CLDN4: variants seen among roughly 807,000 people sequenced by gnomAD.
The protein encoded by CLDN4 is claudin 4.
Under a neutral mutation model 13.7 loss-of-function variants are expected in CLDN4, and 12 were observed. That is an observed-to-expected ratio of 0.88 (90% CI 0.56 to 1.42). CLDN4 has a LOEUF of 1.42. Among genes scored for constraint, CLDN4 ranks in the 40% most tolerant of loss-of-function variants. The pLI is 0.00. For missense variants in CLDN4, 252 were observed against 297.4 expected, an observed-to-expected ratio of 0.85 and a Z score of 1.12; for synonymous variants, 152 against 140.6, an observed-to-expected ratio of 1.08 and a Z score of -0.57.
rs782109306 is a variant in CLDN4 at position 73,831,407 on chromosome 7, C to T, written c.206C>T (p.Ser69Leu). 1.8e-5 allele frequency: 29 copies of T among 1,614,038 alleles called. No individual in the cohort carries two copies. The highest frequency in any genetic ancestry group is 3.3e-5 in the South Asian group (3 of 91,086). Residue 69 changes from serine (S) to leucine (L), a missense_variant, in exon 1 of 1, where the codon TCG (serine) becomes TTG (leucine). Ser to Leu is a moderately radical substitution (Grantham distance 145). Transcript: ENST00000340958. Reference protein sequence around the residue: ...TGQMQCKVYDSLLALPQDLQA... With the variant: ...TGQMQCKVYDLLLALPQDLQA... ...CAGATGCAGTGCAAGGTGTACGACT[C>T]GCTGCTGGCACTGCCGCAGGACCTG...
rs75600983 is a variant in CLDN4 at position 73,831,292 on chromosome 7, C to T, written c.91C>T (p.Arg31Cys). ...VMLCCALPMW[R>C]VTAFIGSNIV... ...GCTGTGCTGCGCGCTGCCCATGTGG[C>T]GCGTGACGGCCTTCATCGGCAGCAA... The change falls in exon 1 of 1, where the codon CGC becomes TGC. Residue 31 changes from arginine (R) to cysteine (C), a missense_variant. Coordinates refer to ENST00000340958, the MANE Select transcript of CLDN4 (RefSeq NM_001305.5). The T allele has an allele frequency of 1.6e-4, 257 of 1,613,608 alleles. No individual in the cohort carries two copies. In the East Asian group the frequency reaches 3.6e-3, roughly 23 times the overall value.
rs2130520853 is a variant in CLDN4, at chr7:73,831,066, G to A, written c.-136G>A. On this transcript the variant is annotated 5_prime_UTR_variant, in exon 1 of 1. Transcript: ENST00000340958. ...ACTTGCTGGCTTGCGCATCAGGACT[G>A]GCTTTATCTCCTGACTCACGGTGCA... is the stretch of plus-strand genomic sequence containing the variant. 3.6e-6 allele frequency: 4 copies of A among 1,115,362 alleles called. No individual in the cohort carries two copies. Among genetic ancestry groups the A allele is most frequent in the East Asian group, 4.8e-5 (2 of 41,514 alleles). The allele number at this position is 1,115,362 out of a possible 1,614,324, so 69.1% of individuals were successfully genotyped here. A position where few individuals can be genotyped will look rare whatever the true frequency, so the allele number is the denominator to read the frequency against.
chr7:73,831,775 C>A lies in CLDN4; in HGVS notation c.574C>A (p.Pro192Thr). 1 of 1,596,760 alleles carries A rather than the reference C, an allele frequency of 6.3e-7. No individual in the cohort carries two copies. The highest frequency in any genetic ancestry group is 8.6e-7 in the Non-Finnish European group (1 of 1,169,236). Residue 192 changes from proline (P) to threonine (T), a missense_variant, in exon 1 of 1, where the codon CCT (proline) becomes ACT (threonine). By Grantham distance (38) the Pro-to-Thr change is conservative. Coordinates refer to ENST00000340958, the MANE Select transcript of CLDN4 (RefSeq NM_001305.5). ...CCNCPPRTDKPYSAKYSAARS... is the reference protein window; with the variant it reads ...CCNCPPRTDKTYSAKYSAARS... ...CAACTGTCCACCCCGCACAGACAAGCCTTACTCCGCCAAGTATTCTGCTGC... is the reference window on the plus strand; with the variant it reads ...CAACTGTCCACCCCGCACAGACAAGACTTACTCCGCCAAGTATTCTGCTGC...
chr7:73,831,312 CA>C lies in CLDN4; in HGVS notation c.112del (p.Ser38AlafsTer15). 1 of 1,613,982 alleles carries C rather than the reference CA, an allele frequency of 6.2e-7. No homozygotes were observed. The highest frequency in any genetic ancestry group is 8.5e-7 in the Non-Finnish European group (1 of 1,179,952). The stretch of plus-strand genomic sequence containing the variant: ...TGTGGCGCGTGACGGCCTTCATCGG[CA>C]GCAACATTGTCACCTCGCAGACCAT... ...PMWRVTAFIG[S>X]NIVTSQTIWE... On this transcript the variant is annotated frameshift_variant, in exon 1 of 1. Transcript: ENST00000340958. LOFTEE classifies it high-confidence loss of function.
chr7:73,831,062 G>C lies in CLDN4; in HGVS notation c.-140G>C, dbSNP rs1788017876. On this transcript the variant is annotated 5_prime_UTR_variant, in exon 1 of 1. Coordinates refer to ENST00000340958, the MANE Select transcript of CLDN4 (RefSeq NM_001305.5). ...TCACACTTGCTGGCTTGCGCATCAG[G>C]ACTGGCTTTATCTCCTGACTCACGG... 5.6e-6 allele frequency: 6 copies of C among 1,073,110 alleles called. No individual in the cohort carries two copies. Among genetic ancestry groups the C allele is most frequent in the Non-Finnish European group, 8.0e-6 (6 of 750,296 alleles). The allele number at this position is 1,073,110 out of a possible 1,614,324, so 66.5% of individuals were successfully genotyped here. A position where few individuals can be genotyped will look rare whatever the true frequency, so the allele number is the denominator to read the frequency against.
rs1554634060 is a variant in CLDN4 at position 73,831,367 on chromosome 7, G to A, written c.166G>A (p.Val56Met). 3 of 1,614,046 alleles carry A rather than the reference G, an allele frequency of 1.9e-6. No individual in the cohort carries two copies. The East Asian group carries it at 6.7e-5, about 36-fold the overall frequency. The change falls in exon 1 of 1, where the codon GTG becomes ATG. Residue 56 changes from valine (V) to methionine (M), a missense_variant. Val to Met is a conservative substitution (Grantham distance 21). Transcript: ENST00000340958. ...IWEGLWMNCV[V>M]QSTGQMQCKV... ...GGAGGGCCTATGGATGAACTGCGTG[G>A]TGCAGAGCACCGGCCAGATGCAGTG...
Position 73,831,022 on chromosome 7 carries a change from A to C in CLDN4, c.-180A>C. 1 of 632,010 alleles carries C rather than the reference A, an allele frequency of 1.6e-6. No individual in the cohort carries two copies. The allele number at this position is 632,010 out of a possible 1,614,324, so 39.2% of individuals were successfully genotyped here. On this transcript the variant is annotated 5_prime_UTR_variant, in exon 1 of 1. Transcript: ENST00000340958. The stretch of plus-strand genomic sequence containing the variant: ...GAGTGCCCTGGCAGCTGTCGGCTGG[A>C]AGGAACTGGTCTGCTCACACTTGCT...
rs781798709 is a variant in CLDN4, at chr7:73,831,559, G to C, written c.358G>C (p.Val120Leu). Residue 120 changes from valine to leucine, a missense_variant, in exon 1 of 1, where the codon GTG (valine) becomes CTG (leucine). Physicochemically the swap from Val to Leu is conservative, Grantham distance 32. Coordinates refer to ENST00000340958, the MANE Select transcript of CLDN4 (RefSeq NM_001305.5). ...AAGCGCCAAGGCCAAGACCATGATC[G>C]TGGCGGGCGTGGTGTTCCTGTTGGC... ...DESAKAKTMI[V>L]AGVVFLLAGL... The C allele has an allele frequency of 1.9e-6, 3 of 1,614,142 alleles. No homozygotes were observed. The East Asian group carries it at 6.7e-5, about 36-fold the overall frequency.
Position 73,831,057 on chromosome 7 carries a change from A to T in CLDN4, c.-145A>T, listed in dbSNP as rs1335871196. ...TCTGCTCACACTTGCTGGCTTGCGCATCAGGACTGGCTTTATCTCCTGACT... is the reference window on the plus strand; with the variant it reads ...TCTGCTCACACTTGCTGGCTTGCGCTTCAGGACTGGCTTTATCTCCTGACT... On this transcript the variant is annotated 5_prime_UTR_variant, in exon 1 of 1. Transcript: ENST00000340958. 2 of 1,016,018 alleles carry T rather than the reference A, an allele frequency of 2.0e-6. No homozygotes were observed. The highest frequency in any genetic ancestry group is 2.8e-6 in the Non-Finnish European group (2 of 702,134). 62.9% of individuals were successfully genotyped at this position (1,016,018 alleles called of 1,614,324 possible).
Position 73,831,490 on chromosome 7 carries a change from C to T in CLDN4, c.289C>T (p.Leu97=). The change falls in exon 1 of 1, where the codon CTG becomes TTG. Residue 97 remains leucine (L), a synonymous_variant. Transcript: ENST00000340958. The part of the protein sequence containing the change: ...SIIVAALGVL[L]SVVGGKCTNC... ...CATCGTGGCTGCTCTGGGCGTGCTG[C>T]TGTCCGTGGTGGGGGGCAAGTGTAC... 6.2e-7 allele frequency: 1 copy of T among 1,614,204 alleles called. No homozygotes were observed. Among genetic ancestry groups the T allele is most frequent in the Non-Finnish European group, 8.5e-7 (1 of 1,180,036 alleles).
At position 73,832,201 on chromosome 7, in the gene CLDN4, C is replaced by G; in HGVS notation, c.*370C>G. On this transcript the variant is annotated 3_prime_UTR_variant, in exon 1 of 1. Coordinates refer to ENST00000340958, the MANE Select transcript of CLDN4 (RefSeq NM_001305.5). ...TGTCCCCATTTACATTTTCCCCACT[C>G]TGTCTGCCTGCATCTCCTCTGTTCC... 1 of 241,168 alleles carries G rather than the reference C, an allele frequency of 4.1e-6. No individual in the cohort carries two copies. The highest frequency in any genetic ancestry group is 1.0e-4 in the East Asian group (1 of 9,990). 14.9% of individuals were successfully genotyped at this position (241,168 alleles called of 1,614,324 possible).
rs1788021893 is a variant in CLDN4 at position 73,831,190 on chromosome 7, G to A, written c.-12G>A. ...AGCCTTCCAGGTCCTCAACTCCCGTGGACGCTGAACAATGGCCTCCATGGG... is the reference window on the plus strand; with the variant it reads ...AGCCTTCCAGGTCCTCAACTCCCGTAGACGCTGAACAATGGCCTCCATGGG... On this transcript the variant is annotated 5_prime_UTR_variant, in exon 1 of 1. Transcript: ENST00000340958. The A allele has an allele frequency of 2.6e-6, 4 of 1,541,024 alleles. No homozygotes were observed. Among genetic ancestry groups the A allele is most frequent in the South Asian group, 1.3e-5 (1 of 79,954 alleles).
chr7:73,831,702 C>T lies in CLDN4; in HGVS notation c.501C>T (p.Gly167=). The stretch of plus-strand genomic sequence containing the variant: ...AGATGGGTGCCTCGCTCTACGTCGG[C>T]TGGGCCGCCTCCGGCCTGCTGCTCC... The part of the protein sequence containing the change: ...KREMGASLYV[G]WAASGLLLLG... Residue 167 remains glycine (G), a synonymous_variant, in exon 1 of 1, where the codon GGC becomes GGT. Coordinates refer to ENST00000340958, the MANE Select transcript of CLDN4 (RefSeq NM_001305.5). 3.7e-6 allele frequency: 6 copies of T among 1,614,060 alleles called. No individual in the cohort carries two copies. The highest frequency in any genetic ancestry group is 5.1e-6 in the Non-Finnish European group (6 of 1,180,008).
rs1053573626 is a variant in CLDN4 at position 73,832,219 on chromosome 7, T to G, written c.*388T>G. The stretch of plus-strand genomic sequence containing the variant: ...CCCCACTCTGTCTGCCTGCATCTCC[T>G]CTGTTCCGGGTAGGCCTTGATATCA... On this transcript the variant is annotated 3_prime_UTR_variant, in exon 1 of 1. Coordinates refer to ENST00000340958, the MANE Select transcript of CLDN4 (RefSeq NM_001305.5). The G allele has an allele frequency of 2.2e-5, 5 of 227,444 alleles. No individual in the cohort carries two copies. In the East Asian group the frequency reaches 3.4e-4, roughly 16 times the overall value. The allele number at this position is 227,444 out of a possible 1,614,324, so 14.1% of individuals were successfully genotyped here.
rs202009827 is a variant in CLDN4, at chr7:73,831,618, G to A, written c.417G>A (p.Thr139=). 29 of 1,614,106 alleles carry A rather than the reference G, an allele frequency of 1.8e-5. No homozygotes were observed. Among genetic ancestry groups the A allele is most frequent in the African/African-American group, 1.2e-4 (9 of 75,062 alleles). Reference sequence around the variant, plus strand: ...TGGTGATAGTGCCGGTGTCCTGGACGGCCCACAACATCATCCAAGACTTCT... The same window carrying A: ...TGGTGATAGTGCCGGTGTCCTGGACAGCCCACAACATCATCCAAGACTTCT... ...GLMVIVPVSW[T]AHNIIQDFYN... is the part of the protein sequence containing the mutation. Residue 139 remains threonine, a synonymous_variant, in exon 1 of 1, where the codon ACG becomes ACA. Transcript: ENST00000340958.
Position 73,831,538 on chromosome 7 carries a change from G to A in CLDN4, c.337G>A (p.Ala113Thr), listed in dbSNP as rs199567908. Reference protein sequence around the residue: ...KCTNCLEDESAKAKTMIVAGV... With the variant: ...KCTNCLEDESTKAKTMIVAGV... ...TACCAACTGCCTGGAGGATGAAAGC[G>A]CCAAGGCCAAGACCATGATCGTGGC... Residue 113 changes from alanine (A) to threonine (T), a missense_variant, in exon 1 of 1, where the codon GCC becomes ACC. Ala to Thr is a moderately conservative substitution (Grantham distance 58). Coordinates refer to ENST00000340958, the MANE Select transcript of CLDN4 (RefSeq NM_001305.5). 107 of 1,614,186 alleles carry A rather than the reference G, an allele frequency of 6.6e-5. No homozygotes were observed. The East Asian group carries it at 2.1e-3, about 32-fold the overall frequency.
rs1788035545 is a variant in CLDN4, at chr7:73,831,675, G to A, written c.474G>A (p.Arg158=). 6.2e-7 allele frequency: 1 copy of A among 1,614,160 alleles called. No individual in the cohort carries two copies. The highest frequency in any genetic ancestry group is 8.5e-7 in the Non-Finnish European group (1 of 1,180,018). Residue 158 remains arginine (R), a synonymous_variant, in exon 1 of 1, where the codon CGG becomes CGA. Transcript: ENST00000340958. ...YNPLVASGQK[R]EMGASLYVGW... ...CGCTGGTGGCCTCCGGGCAGAAGCG[G>A]GAGATGGGTGCCTCGCTCTACGTCG...
rs781920222 is a variant in CLDN4 at position 73,832,161 on chromosome 7, A to G, written c.*330A>G. 24 of 354,930 alleles carry G rather than the reference A, an allele frequency of 6.8e-5. No homozygotes were observed. The highest frequency in any genetic ancestry group is 1.2e-4 in the Non-Finnish European group (22 of 187,408). The allele number at this position is 354,930 out of a possible 1,614,324, so 22.0% of individuals were successfully genotyped here. On this transcript the variant is annotated 3_prime_UTR_variant, in exon 1 of 1. Coordinates refer to ENST00000340958, the MANE Select transcript of CLDN4 (RefSeq NM_001305.5). The stretch of plus-strand genomic sequence containing the variant: ...AACCCTGACTTTGGGATCTGCCTGC[A>G]TCGGCGTTGGCCACTGTCCCCATTT...
chr7:73,831,552 C>T lies in CLDN4; in HGVS notation c.351C>T (p.Thr117=), dbSNP rs782815880. 2.2e-5 allele frequency: 35 copies of T among 1,614,108 alleles called. No individual in the cohort carries two copies. In the South Asian group the frequency reaches 3.7e-4, roughly 17 times the overall value. Residue 117 remains threonine, a synonymous_variant, in exon 1 of 1, where the codon ACC becomes ACT. Transcript: ENST00000340958. ...CLEDESAKAK[T]MIVAGVVFLL... ...AGGATGAAAGCGCCAAGGCCAAGAC[C>T]ATGATCGTGGCGGGCGTGGTGTTCC...
Sources: gnomAD v4.1 joint callset for allele counts on GRCh38, gnomAD v4.1.1 for gene constraint, MANE v1.5 for transcripts, NCBI Gene and HGNC (gene_info 2026-07-23, HGNC 2026-07-21) for gene names.